ANO2: variants seen among roughly 807,000 people sequenced by gnomAD.
The protein encoded by ANO2 is anoctamin 2.
ANO2 carries 101 observed loss-of-function variants against 124.2 expected under a neutral mutation model. The observed-to-expected ratio is 0.81, with a 90% confidence interval of 0.69 to 0.96. The LOEUF (loss-of-function observed/expected upper bound fraction) is 0.96, where lower values mean the gene tolerates loss of function less well. Ranked by LOEUF, ANO2 falls within the 40% of genes least tolerant of loss-of-function variation. The pLI is 0.00. For synonymous variants in ANO2, 486 were observed against 482.5 expected (o/e 1.01, Z -0.09); for missense variants, 1,293 against 1,274.5 (o/e 1.01, Z -0.22).
At chr12:5,744,446 G>C in intron 11 of ANO2, 129 bp from the exon 12 acceptor site, 5 of 983,424 alleles carry the variant, frequency 5.1e-6, no homozygotes, top group Non-Finnish European at 7.5e-6. Context: ...AGTAAGGAAT[G>C]TTAAAGAAGT....
intron 4 of ANO2, among the ~76,000 whole-genome samples, chr12:5,841,424 C>A (rs189846556): frequency 6.6e-6 from 1 of 152,326 alleles, no homozygotes; most frequent in African/African-American, 2.4e-5. Context: ...GTGTCTAGTT[C>A]TGTATTTGTT....
At chr12:5,752,716 G>A (rs755082228) in intron 10 of ANO2, among the ~76,000 whole-genome samples, 33 of 152,100 alleles carry the variant, frequency 2.2e-4, no homozygotes, top group Non-Finnish European at 4.1e-4. Context: ...CTGTGTAGAA[G>A]CATTTTAGTT....
intron 23 of ANO2, among the ~76,000 whole-genome samples, chr12:5,567,017 A>G (rs528084580): frequency 6.6e-6 from 1 of 152,300 alleles, no homozygotes; most frequent in South Asian, 2.1e-4. Flanking sequence ...GAAGAGAAAA[A>G]GAGGAAGAGA....
In ANO2 at chr12:5,910,326, G is replaced by A. The variant is rs145700096; in HGVS notation, c.534+10714C>T. Among the ~76,000 whole-genome samples, 1,148 of 152,152 alleles carry A rather than the reference G, an allele frequency of 7.5e-3. 14 individuals carry two copies. The highest frequency in any genetic ancestry group is 0.026 in the African/African-American group (1,084 of 41,514). On this transcript the variant is annotated intron_variant, in intron 3 of 24. Transcript: ENST00000682330. ...TCTGGAGTAGCTGGATTACAGGCAC[G>A]TGCCACCAAGCCTGGCTAATTTTTG...
intron 7 of ANO2, among the ~76,000 whole-genome samples, chr12:5,810,278 A>G (rs1438211169): frequency 6.6e-6 from 1 of 152,212 alleles, no homozygotes; most frequent in Non-Finnish European, 1.5e-5. Context: ...TTACCCAACA[A>G]CAGGGATTTG....
chr12:5,629,081 C>T (rs899403981), intron 16 of ANO2, among the ~76,000 whole-genome samples: 17 of 152,184 alleles, frequency 1.1e-4, no homozygotes, highest in Admixed American at 6.5e-5. Flanking sequence ...TTCCTAAAAA[C>T]CTTGACTTGA....
chr12:5,727,928 T>G (rs1950506929), intron 14 of ANO2, among the ~76,000 whole-genome samples: 1 of 152,028 alleles, frequency 6.6e-6, no homozygotes, highest in African/African-American at 2.4e-5. Context: ...TGCCTCAGCC[T>G]CCCAAACAGC....
chr12:5,683,308 C>G (rs1948579391), intron 14 of ANO2, among the ~76,000 whole-genome samples: 1 of 152,170 alleles, frequency 6.6e-6, no homozygotes, highest in South Asian at 2.1e-4. Context: ...ATTGACGTGT[C>G]TCTCTCCCAC....
chr12:5,667,477 G>A (rs892822381), intron 14 of ANO2, among the ~76,000 whole-genome samples: 6 of 151,606 alleles, frequency 4.0e-5, no homozygotes, highest in African/African-American at 9.7e-5. Flanking sequence ...TTGTATAAGT[G>A]TGAGTACAAA....
At chr12:5,713,948 C>T (rs1387261455) in intron 14 of ANO2, among the ~76,000 whole-genome samples, 1 of 152,208 alleles carries the variant, frequency 6.6e-6, no homozygotes. Flanking sequence ...CAGGTCTCCA[C>T]TTCTGCCAGA....
In ANO2 at chr12:5,924,812, G is replaced by A. The variant is rs539516242; in HGVS notation, c.23-2008C>T. On this transcript the variant is annotated intron_variant, in intron 1 of 24. Transcript: ENST00000682330. ...TTTCCCCCACAGCCTGCTTTTCCCC[G>A]TTAAATATTGAAGCCCTCAAAATGA... Among the ~76,000 whole-genome samples the A allele has an allele frequency of 2.6e-4, 39 of 152,196 alleles. No homozygotes were observed. The South Asian group carries it at 6.2e-3, about 24-fold the overall frequency.
At chr12:5,819,504 G>T (rs893006279) in intron 7 of ANO2, among the ~76,000 whole-genome samples, 1 of 152,134 alleles carries the variant, frequency 6.6e-6, no homozygotes, top group Non-Finnish European at 1.5e-5. Context: ...TAGTTTATTT[G>T]CTTGGTTAGC....
chr12:5,887,740 C>A (rs1939036823), intron 3 of ANO2, among the ~76,000 whole-genome samples: 1 of 152,162 alleles, frequency 6.6e-6, no homozygotes, highest in Non-Finnish European at 1.5e-5. Flanking sequence ...ACTTGCAATG[C>A]GCCAAGCACA....
At chr12:5,889,101 C>T (rs1252740126) in intron 3 of ANO2, among the ~76,000 whole-genome samples, 2 of 152,244 alleles carry the variant, frequency 1.3e-5, no homozygotes, top group Non-Finnish European at 2.9e-5. Flanking sequence ...GGTGCTAAGC[C>T]TCTCACTGCC....
At chr12:5,885,248 T>C (rs1175350457) in intron 3 of ANO2, among the ~76,000 whole-genome samples, 1 of 152,208 alleles carries the variant, frequency 6.6e-6, no homozygotes, top group East Asian at 1.9e-4. Flanking sequence ...AGTGAGGCTT[T>C]ACAAGGTGTC....
At chr12:5,657,225 A>G (rs890091314) in intron 14 of ANO2, among the ~76,000 whole-genome samples, 2 of 152,182 alleles carry the variant, frequency 1.3e-5, no homozygotes, top group African/African-American at 4.8e-5. Context: ...TGGCAGTGGA[A>G]GGCTAAAGCC....
At chr12:5,765,739 T>C (rs893380213) in intron 10 of ANO2, among the ~76,000 whole-genome samples, 7 of 152,234 alleles carry the variant, frequency 4.6e-5, no homozygotes, top group Non-Finnish European at 1.0e-4. Context: ...AAATGGAACT[T>C]TTGTTTATCA....
At chr12:5,856,811 G>GCT (rs1245504242) in intron 3 of ANO2, among the ~76,000 whole-genome samples, 1 of 152,136 alleles carries the variant, frequency 6.6e-6, no homozygotes, top group Non-Finnish European at 1.5e-5. Context: ...GATTTTAGAG[G>GCT]CTCTATCCAT....
At chr12:5,911,498 C>A (rs79542646) in intron 3 of ANO2, among the ~76,000 whole-genome samples, 261 of 152,298 alleles carry the variant, frequency 1.7e-3, no homozygotes, top group Middle Eastern at 3.4e-3. Flanking sequence ...AACTGTCCCC[C>A]GAGTCTCTCT....
Sources: gnomAD v4.1 joint callset for allele counts (sites outside exome capture counted in the v4.1 genomes callset) on GRCh38, gnomAD v4.1.1 for gene constraint, MANE v1.5 for transcripts, NCBI Gene and HGNC (gene_info 2026-07-23, HGNC 2026-07-21) for gene names.